Variants in APBA1 observed in about 807,000 individuals in gnomAD.
APBA1 encodes the protein amyloid beta precursor protein binding family A member 1.
APBA1 carries 55 observed loss-of-function variants against 86.6 expected under a neutral mutation model. The observed-to-expected ratio is 0.64, with a 90% CI of 0.51 to 0.80. The LOEUF is 0.80. APBA1 is among the 30% of genes least tolerant of loss of function. The probability of loss-of-function intolerance (pLI) is 0.00; values close to 1 mark genes in which losing one functional copy is unlikely to be tolerated. For missense variants in APBA1, 1,090 were observed against 1,183.0 expected, an observed-to-expected ratio of 0.92 and a Z score of 1.15; for synonymous variants, 511 against 493.9, an observed-to-expected ratio of 1.03 and a Z score of -0.46.
chr9:69,432,295 C>T (rs1242526651), intron 12 of APBA1, among the ~76,000 whole-genome samples: 1 of 152,190 alleles, frequency 6.6e-6, no homozygotes, highest in Non-Finnish European at 1.5e-5. Context: ...AGAAGGTGAG[C>T]ACATCAGATG....
chr9:69,594,778 C>A (rs1822197443), intron 1 of APBA1, among the ~76,000 whole-genome samples: 1 of 152,212 alleles, frequency 6.6e-6, no homozygotes, highest in Non-Finnish European at 1.5e-5. Context: ...GATGAGTAGA[C>A]ATTACCCAAG....
intron 2 of APBA1, among the ~76,000 whole-genome samples, chr9:69,514,206 T>A (rs1836096732): frequency 1.3e-5 from 2 of 152,226 alleles, no homozygotes; most frequent in African/African-American, 4.8e-5. Flanking sequence ...TAAAACAGAA[T>A]ACATATCTTT....
chr9:69,485,323 G>A (rs1335175485), intron 2 of APBA1, among the ~76,000 whole-genome samples: 2 of 152,008 alleles, frequency 1.3e-5, no homozygotes, highest in African/African-American at 2.4e-5. Context: ...CTAAACAATG[G>A]TGTTAGTGTT....
Position 69,506,208 on chromosome 9 carries a change from C to T in APBA1, c.1200+9803G>A, listed in dbSNP as rs541812122. Among the ~76,000 whole-genome samples, 135 of 151,778 alleles carry T rather than the reference C, an allele frequency of 8.9e-4. 1 individual carries two copies. The highest frequency in any genetic ancestry group is 3.0e-3 in the African/African-American group (122 of 41,348). ...GACAGTGGGCGCAGGTCAGTGGGTG[C>T]GCGCACCGTGCGCGAGCCAAAGCAG... On this transcript the variant is annotated intron_variant, in intron 2 of 12. Coordinates refer to ENST00000265381, the MANE Select transcript of APBA1 (RefSeq NM_001163.4).
intron 1 of APBA1, among the ~76,000 whole-genome samples, chr9:69,539,921 C>G (rs1192886997): frequency 1.3e-5 from 2 of 152,122 alleles, no homozygotes; most frequent in Non-Finnish European, 2.9e-5. Context: ...GAGTTCAAGA[C>G]CAGCCTGGCC....
intron 1 of APBA1, among the ~76,000 whole-genome samples, chr9:69,549,436 C>A (rs544621886): frequency 6.6e-6 from 1 of 152,298 alleles, no homozygotes; most frequent in South Asian, 2.1e-4. Context: ...TTGCCCTCTG[C>A]CCCACTTTCA....
At position 69,516,485 on chromosome 9, in the gene APBA1, G is replaced by A. The variant is rs778164285; in HGVS notation, c.726C>T (p.Ser242=). 6.3e-7 allele frequency: 1 copy of A among 1,599,566 alleles called. No homozygotes were observed. The highest frequency in any genetic ancestry group is 1.7e-5 in the Admixed American group (1 of 59,680). The change falls in exon 2 of 13, where the codon TCC becomes TCT. Residue 242 remains serine, a synonymous_variant. Coordinates refer to ENST00000265381, the MANE Select transcript of APBA1 (RefSeq NM_001163.4). The surrounding 1 kb of genome is among the most constrained non-coding windows in gnomAD (Gnocchi z 7.3). ...GARLHHYDER[S]DGESDSPEKE... ...TCTCGGGGCTGTCGGACTCGCCGTC[G>A]GAGCGCTCGTCGTAATGGTGCAGCC...
At chr9:69,451,735 TTC>T (rs1177034810) in intron 9 of APBA1, among the ~76,000 whole-genome samples, 4 of 152,196 alleles carry the variant, frequency 2.6e-5, no homozygotes, top group Non-Finnish European at 4.4e-5. Context: ...ACTTGAGATC[TTC>T]TCTGTTTGTC....
chr9:69,639,410 C>T (rs983295498), intron 1 of APBA1, among the ~76,000 whole-genome samples: 7 of 152,092 alleles, frequency 4.6e-5, no homozygotes, highest in African/African-American at 1.7e-4. Flanking sequence ...CTAAGAGAAC[C>T]TCTCAGGGGA....
chr9:69,553,872 G>T (rs188144909), intron 1 of APBA1, among the ~76,000 whole-genome samples: 1 of 152,182 alleles, frequency 6.6e-6, no homozygotes, highest in South Asian at 2.1e-4. Context: ...TTGGTTCAGC[G>T]TGGTGCTAAT....
At chr9:69,650,343 T>C (rs1199602771) in intron 1 of APBA1, among the ~76,000 whole-genome samples, 1 of 152,256 alleles carries the variant, frequency 6.6e-6, no homozygotes, top group African/African-American at 2.4e-5. Flanking sequence ...ATTTGCCATG[T>C]TATTGTTACT....
intron 11 of APBA1, among the ~76,000 whole-genome samples, chr9:69,436,891 G>A (rs34859144): frequency 0.4 from 60,474 of 150,376 alleles, 14,228 homozygotes; most frequent in African/African-American, 0.65. Context: ...TTGTCCATTC[G>A]GTATGATATT....
chr9:69,601,217 A>T (rs866482514), intron 1 of APBA1, among the ~76,000 whole-genome samples: 1 of 152,164 alleles, frequency 6.6e-6, no homozygotes, highest in Admixed American at 6.5e-5. Flanking sequence ...AGAGCCTTAA[A>T]CTCCCTTTTT....
chr9:69,532,243 T>C (rs534690798), intron 1 of APBA1, among the ~76,000 whole-genome samples: 42 of 152,282 alleles, frequency 2.8e-4, no homozygotes, highest in African/African-American at 8.7e-4. Flanking sequence ...TATGCTGCTA[T>C]ACAAAATAAA....
At chr9:69,568,723 T>C (rs918776660) in intron 1 of APBA1, among the ~76,000 whole-genome samples, 1 of 152,238 alleles carries the variant, frequency 6.6e-6, no homozygotes, top group Non-Finnish European at 1.5e-5. Flanking sequence ...GAAAGGGAAC[T>C]GCCATTTAAC....
At chr9:69,562,742 A>T (rs1210319794) in intron 1 of APBA1, among the ~76,000 whole-genome samples, 3 of 152,184 alleles carry the variant, frequency 2.0e-5, no homozygotes, top group Admixed American at 2.0e-4. Context: ...GAAGAAACCA[A>T]CAATACATTA....
chr9:69,590,193 A>G (rs1256627729), intron 1 of APBA1, among the ~76,000 whole-genome samples: 1 of 152,142 alleles, frequency 6.6e-6, no homozygotes, highest in Admixed American at 6.5e-5. Flanking sequence ...CCTCCCTCCT[A>G]GACTATGAGT....
intron 10 of APBA1, among the ~76,000 whole-genome samples, chr9:69,442,723 A>G (rs966667667): frequency 6.6e-6 from 1 of 152,226 alleles, no homozygotes; most frequent in African/African-American, 2.4e-5. Context: ...CTCTTATTCT[A>G]TAAATAGAAT....
At chr9:69,634,602 T>C (rs926901471) in intron 1 of APBA1, among the ~76,000 whole-genome samples, 4 of 151,982 alleles carry the variant, frequency 2.6e-5, no homozygotes, top group Non-Finnish European at 5.9e-5. Context: ...GAGAAAGATA[T>C]CAATATTCAA....
Sources: allele counts gnomAD v4.1 joint callset (sites outside exome capture counted in the v4.1 genomes callset), GRCh38; gene constraint gnomAD v4.1.1; non-coding constraint Gnocchi (gnomAD v3.1); transcripts MANE v1.5; gene names NCBI Gene and HGNC (gene_info 2026-07-23, HGNC 2026-07-21).